Variants in MIER2 observed in about 807,000 individuals in gnomAD.
The protein encoded by MIER2 is mesoderm induction early response protein 2.
MIER2 carries 30 observed loss-of-function variants against 67.6 expected under a neutral mutation model. The ratio of observed to expected loss-of-function variants is 0.44; its 90% CI spans 0.33 to 0.60. MIER2 has a LOEUF of 0.60. MIER2 is among the 20% of genes least tolerant of loss of function. The probability of loss-of-function intolerance (pLI) is 0.02; values close to 1 mark genes in which losing one functional copy is unlikely to be tolerated. For missense variants in MIER2, 702 were observed against 745.1 expected, an observed-to-expected ratio of 0.94 and a Z score of 0.67; for synonymous variants, 372 against 312.6, an observed-to-expected ratio of 1.19 and a Z score of -2.00.
intron 7 of MIER2, among the ~76,000 whole-genome samples, chr19:315,894 G>A (rs146875877): frequency 1.3e-5 from 2 of 152,336 alleles, no homozygotes; most frequent in Non-Finnish European, 2.9e-5. Flanking sequence ...AGGCACAGGA[G>A]AGCCAAACTG....
At position 306,606 on chromosome 19, in the gene MIER2, A is replaced by G; in HGVS notation, c.*84T>C. On this transcript the variant is annotated 3_prime_UTR_variant, in exon 14 of 14. Transcript: ENST00000264819. The stretch of plus-strand genomic sequence containing the variant: ...CTACCCCAAGGCCCGGGGGGTGGGG[A>G]AGGGGTCAGGAAGACTGACAGAGGC... 6.6e-7 allele frequency: 1 copy of G among 1,524,770 alleles called. No individual in the cohort carries two copies. The highest frequency in any genetic ancestry group is 2.5e-5 in the East Asian group (1 of 40,790). 94.5% of individuals were successfully genotyped at this position (1,524,770 alleles called of 1,614,324 possible).
chr19:323,361 A>G (rs1301917204), intron 7 of MIER2, among the ~76,000 whole-genome samples: 1 of 143,540 alleles, frequency 7.0e-6, no homozygotes, highest in Non-Finnish European at 1.6e-5. Context: ...CATCATCACA[A>G]TGCAGTAAAG....
chr19:310,492 ACGGCCGGGAGTTACAAAAACG>A (rs1298403488), intron 10 of MIER2, among the ~76,000 whole-genome samples: 1 of 151,288 alleles, frequency 6.6e-6, no homozygotes, highest in Admixed American at 6.6e-5. Context: ...CTCCAGAAAC[ACGGCCGGGAGTTACAAAAACG>A]CGGCCCTGAG....
intron 1 of MIER2, chr19:344,200 T>C (rs1169048093): frequency 1.0e-6 from 1 of 985,166 alleles, no homozygotes; most frequent in African/African-American, 1.7e-5. Context: ...CCACCCACCC[T>C]GCGCCCAGTT....
At chr19:314,111 T>A (rs1436055665) in intron 7 of MIER2, among the ~76,000 whole-genome samples, 1 of 152,166 alleles carries the variant, frequency 6.6e-6, no homozygotes, top group Non-Finnish European at 1.5e-5. Context: ...CGCCCCCGAC[T>A]CTGCATAAAG....
intron 2 of MIER2, 91 bp from the exon 3 acceptor site, chr19:334,633 G>C (rs1012721003): frequency 3.3e-6 from 5 of 1,510,592 alleles, no homozygotes; most frequent in Non-Finnish European, 4.4e-6. Flanking sequence ...AAGCCCTAAG[G>C]ATGAGGCCCT....
chr19:322,994 T>A (rs2145440926), intron 7 of MIER2, among the ~76,000 whole-genome samples: 2 of 147,888 alleles, frequency 1.4e-5, no homozygotes, highest in Admixed American at 1.3e-4. Context: ...AACCATGGCA[T>A]CCAAACCAAG....
chr19:340,617 GGTGGCAGAGATGGAAGGA>G (rs1444382035), intron 1 of MIER2: 1 of 152,990 alleles, frequency 6.5e-6, no homozygotes, highest in Non-Finnish European at 1.5e-5. Flanking sequence ...CCTGTCTCGG[GGTGGCAGAGATGGAAGGA>G]AATCCATGTA....
intron 2 of MIER2, 126 bp from the exon 3 acceptor site, chr19:334,668 A>G (rs1228882605): frequency 5.3e-6 from 7 of 1,316,106 alleles, no homozygotes; most frequent in Middle Eastern, 2.5e-4. Flanking sequence ...GATCAGCCTC[A>G]TGAGGGAACC....
chr19:311,428 G>A (rs1205789557), intron 10 of MIER2, among the ~76,000 whole-genome samples: 1 of 152,220 alleles, frequency 6.6e-6, no homozygotes, highest in Non-Finnish European at 1.5e-5. Context: ...GTCCCGGGTG[G>A]CAGGACCTGG....
At chr19:306,785 G>C in intron 13 of MIER2, 74 bp from the exon 14 acceptor site, 4 of 1,548,656 alleles carry the variant, frequency 2.6e-6, no homozygotes, top group East Asian at 2.4e-5. Context: ...CCAGTGCTGA[G>C]CGCTGGACTC....
At chr19:337,447 C>T (rs1000907235) in intron 1 of MIER2, among the ~76,000 whole-genome samples, 7 of 152,128 alleles carry the variant, frequency 4.6e-5, no homozygotes, top group African/African-American at 1.7e-4. Context: ...TTATCATTGC[C>T]CTCAATGGGG....
intron 3 of MIER2, chr19:330,423 C>G (rs1467465621): frequency 1.3e-5 from 2 of 151,826 alleles, no homozygotes; most frequent in Non-Finnish European, 2.9e-5. Flanking sequence ...GTGGCAGGTG[C>G]CTGTAGTCCC....
rs370571055 is a variant in MIER2, at chr19:313,451, G to T, written c.807+41C>A. 20 of 1,595,614 alleles carry T rather than the reference G, an allele frequency of 1.3e-5. No individual in the cohort carries two copies. In the African/African-American group the frequency reaches 2.4e-4, roughly 19 times the overall value. Reference sequence around the variant, plus strand: ...GGTGTGAGCTCTGGCCCACGCCACGGCAGCCCTCAGCCCCTCTGTCCCCGG... The same window carrying T: ...GGTGTGAGCTCTGGCCCACGCCACGTCAGCCCTCAGCCCCTCTGTCCCCGG... On this transcript the variant is annotated intron_variant, in intron 8 of 13. Coordinates refer to ENST00000264819, the MANE Select transcript of MIER2 (RefSeq NM_017550.3).
Position 308,938 on chromosome 19 carries a change from G to A in MIER2, c.985-13C>T. The A allele has an allele frequency of 1.9e-6, 3 of 1,594,866 alleles. No homozygotes were observed. The highest frequency in any genetic ancestry group is 2.6e-6 in the Non-Finnish European group (3 of 1,165,846). On this transcript the variant is annotated splice_polypyrimidine_tract_variant and intron_variant, in intron 10 of 13. Coordinates refer to ENST00000264819, the MANE Select transcript of MIER2 (RefSeq NM_017550.3). This position sits in a 1 kb window ranked among gnomAD's most constrained non-coding sequence, Gnocchi z 9.1. ...ACCGTGTGCGCACCTGCGGGGAGGG[G>A]TCAGGAGCCATCTCTGTCCCCGGCT...
At chr19:321,314 G>A (rs188206104) in intron 7 of MIER2, among the ~76,000 whole-genome samples, 3 of 152,310 alleles carry the variant, frequency 2.0e-5, no homozygotes, top group East Asian at 3.9e-4. Flanking sequence ...CAGGAAGCAC[G>A]TTTATTCCAC....
intron 3 of MIER2, 46 bp downstream of exon 3, chr19:334,354 G>A (rs371122597): frequency 1.7e-5 from 28 of 1,610,930 alleles, no homozygotes; most frequent in Middle Eastern, 1.6e-4. Context: ...GGCTTACCCC[G>A]GAGGGCTCCA....
In MIER2 at chr19:306,730, G is replaced by C. The variant is rs1474772079; in HGVS notation, c.1617-19C>G. 2 of 1,557,218 alleles carry C rather than the reference G, an allele frequency of 1.3e-6. No individual in the cohort carries two copies. The highest frequency in any genetic ancestry group is 4.9e-5 in the East Asian group (2 of 41,184). ...GTTACAGCTGCAGGGGAGAGACCAA[G>C]AGAGACGCAGAGAGTGTCAGTGCGG... On this transcript the variant is annotated intron_variant, in intron 13 of 13. Transcript: ENST00000264819.
At chr19:306,793 C>G (rs1181543902) in intron 13 of MIER2, 82 bp from the exon 14 acceptor site, 25 of 1,544,406 alleles carry the variant, frequency 1.6e-5, no homozygotes, top group Non-Finnish European at 1.9e-5. Context: ...GAGCGCTGGA[C>G]TCGAGACTCC....
Sources: allele counts gnomAD v4.1 joint callset (sites outside exome capture counted in the v4.1 genomes callset), GRCh38; gene constraint gnomAD v4.1.1; non-coding constraint Gnocchi (gnomAD v3.1); transcripts MANE v1.5; gene names NCBI Gene and HGNC (gene_info 2026-07-23, HGNC 2026-07-21).